The following POLR3E variants were observed in gnomAD, a reference collection of about 807,000 sequenced individuals.
POLR3E encodes DNA-directed RNA polymerase III subunit RPC5.
POLR3E carries 41 observed loss-of-function variants against 96.6 expected under a neutral mutation model. The observed-to-expected ratio is 0.42, with a 90% CI of 0.33 to 0.55. POLR3E has a LOEUF of 0.55. Ranked by LOEUF, POLR3E falls within the 20% of genes least tolerant of loss-of-function variation. The pLI, the probability that POLR3E is intolerant of heterozygous loss-of-function variation, is 0.06. For missense variants in POLR3E, 849 were observed against 952.1 expected (o/e 0.89, Z 1.43); for synonymous variants, 396 against 383.6 (o/e 1.03, Z -0.38).
In POLR3E at chr16:22,316,985, G is replaced by A. The variant is rs2048368902; in HGVS notation, c.729-10G>A. ...AGCCCTGAGCCTCTGCCCCTGCCAT[G>A]TCCCTGCAGTGAGTACCTGATGATG... is the stretch of plus-strand genomic sequence containing the variant. On this transcript the variant is annotated splice_polypyrimidine_tract_variant and intron_variant, in intron 10 of 20. Coordinates refer to ENST00000299853, the MANE Select transcript of POLR3E (RefSeq NM_018119.4). 1 of 1,614,020 alleles carries A rather than the reference G, an allele frequency of 6.2e-7. No individual in the cohort carries two copies. The highest frequency in any genetic ancestry group is 8.5e-7 in the Non-Finnish European group (1 of 1,179,860).
At chr16:22,309,890 C>T (rs2048210445) in intron 6 of POLR3E, 1 of 238,332 alleles carries the variant, frequency 4.2e-6, no homozygotes. Context: ...TGTGTCCACA[C>T]AAAACCATAC....
At chr16:22,330,883 A>C (rs910900094) in intron 19 of POLR3E, among the ~76,000 whole-genome samples, 1 of 151,824 alleles carries the variant, frequency 6.6e-6, no homozygotes, top group Admixed American at 6.6e-5. Context: ...AAACCAGCTA[A>C]GTATGGAACA....
chr16:22,298,612 C>T (rs1478687831), intron 1 of POLR3E, among the ~76,000 whole-genome samples: 1 of 152,140 alleles, frequency 6.6e-6, no homozygotes, highest in East Asian at 1.9e-4. Flanking sequence ...CCCACTTAAC[C>T]ATACTGCCGT....
rs765064412 is a variant in POLR3E at position 22,318,366 on chromosome 16, T to C, written c.866-460T>C. On this transcript the variant is annotated intron_variant, in intron 12 of 20. Transcript: ENST00000299853. The surrounding 1 kb of genome is among the most constrained non-coding windows in gnomAD (Gnocchi z 5.0). The stretch of plus-strand genomic sequence containing the variant: ...CCCTCGGCCTCCCAAAGTGCTGTGA[T>C]TACAGGTGTGAGCCAAAGCGCCCAG... Among the ~76,000 whole-genome samples, 5 of 152,196 alleles carry C rather than the reference T, an allele frequency of 3.3e-5. No individual in the cohort carries two copies. Among genetic ancestry groups the C allele is most frequent in the Non-Finnish European group, 7.3e-5 (5 of 68,032 alleles).
In POLR3E at chr16:22,328,478, G is replaced by A. The variant is rs747811138; in HGVS notation, c.1867-32G>A. The A allele has an allele frequency of 7.6e-6, 12 of 1,581,724 alleles. No individual in the cohort carries two copies. The Admixed American group carries it at 2.0e-4, about 26-fold the overall frequency. On this transcript the variant is annotated intron_variant, in intron 18 of 20. Coordinates refer to ENST00000299853, the MANE Select transcript of POLR3E (RefSeq NM_018119.4). ...GCAAATGGATCCATGGGGTAGAGAT[G>A]GACAAGCAACTCACCCCTGGGCCTT...
intron 6 of POLR3E, among the ~76,000 whole-genome samples, chr16:22,311,799 G>A (rs1020301811): frequency 2.6e-5 from 4 of 151,978 alleles, no homozygotes; most frequent in Non-Finnish European, 5.9e-5. Context: ...CCCAGCCTAG[G>A]TATATTTAGA....
intron 6 of POLR3E, among the ~76,000 whole-genome samples, chr16:22,311,224 C>T (rs1308905570): frequency 2.0e-5 from 3 of 150,546 alleles, no homozygotes; most frequent in East Asian, 2.0e-4. Flanking sequence ...CAGCCTTGGC[C>T]TCCCAGAGTG....
Position 22,318,711 on chromosome 16 carries a change from T to TA in POLR3E, c.866-114dup. ...TGGCTATGATGGGTGTCATTACTGTTAGTTATCACATTCTGGGGTTATTAC... is the reference window on the plus strand; with the variant it reads ...TGGCTATGATGGGTGTCATTACTGTTAAGTTATCACATTCTGGGGTTATTAC... On this transcript the variant is annotated intron_variant, in intron 12 of 20. Transcript: ENST00000299853. This position sits in a 1 kb window ranked among gnomAD's most constrained non-coding sequence, Gnocchi z 5.0. The TA allele has an allele frequency of 9.1e-7, 1 of 1,096,220 alleles. No individual in the cohort carries two copies. The highest frequency in any genetic ancestry group is 2.1e-5 in the Admixed American group (1 of 46,608). 67.9% of individuals were successfully genotyped at this position (1,096,220 alleles called of 1,614,324 possible). A position where few individuals can be genotyped will look rare whatever the true frequency, so the allele number is the denominator to read the frequency against.
intron 1 of POLR3E, among the ~76,000 whole-genome samples, chr16:22,298,736 C>G (rs1335860479): frequency 6.6e-6 from 1 of 152,158 alleles, no homozygotes; most frequent in Non-Finnish European, 1.5e-5. Flanking sequence ...ATATCTGAAC[C>G]TCAGTCTCGT....
Position 22,313,317 on chromosome 16 carries a change from A to G in POLR3E, c.365-303A>G, listed in dbSNP as rs1185206080. On this transcript the variant is annotated intron_variant, in intron 6 of 20. Coordinates refer to ENST00000299853, the MANE Select transcript of POLR3E (RefSeq NM_018119.4). This position sits in a 1 kb window ranked among gnomAD's most constrained non-coding sequence, Gnocchi z 4.1. ...GAGGATTAGCTGCCTAGTGTTGCAA[A>G]GCGAGCAGCTGGGGAGAGGGGCGTG... is the stretch of plus-strand genomic sequence containing the variant. 6.6e-6 allele frequency among the ~76,000 whole-genome samples: 1 copy of G among 152,174 alleles called. No homozygotes were observed. The highest frequency in any genetic ancestry group is 1.5e-5 in the Non-Finnish European group (1 of 68,020).
intron 2 of POLR3E, 129 bp from the exon 3 acceptor site, chr16:22,305,027 C>A: frequency 1.3e-6 from 1 of 765,002 alleles, no homozygotes; most frequent in Admixed American, 1.8e-5. Context: ...ATGAGCTGAG[C>A]TATTTCCTCC....
intron 1 of POLR3E, 33 bp from the exon 2 acceptor site, chr16:22,302,898 C>CTGA: frequency 7.0e-7 from 1 of 1,424,676 alleles, no homozygotes; most frequent in Middle Eastern, 1.8e-4. Flanking sequence ...GGTTGAACGA[C>CTGA]TGATGGTCCC....
intron 15 of POLR3E, 34 bp from the exon 16 acceptor site, chr16:22,324,469 G>A: frequency 1.2e-6 from 2 of 1,610,354 alleles, no homozygotes; most frequent in Non-Finnish European, 1.7e-6. Context: ...GGAGGGGGCT[G>A]GCTGTGCCTC....
At chr16:22,309,554 G>C (rs780176503) in intron 6 of POLR3E, 44 bp downstream of exon 6, 2 of 1,381,050 alleles carry the variant, frequency 1.4e-6, no homozygotes, top group Non-Finnish European at 2.1e-6. Context: ...TGGCATTGGG[G>C]GGGGCTGGGC....
chr16:22,318,634 A>G lies in POLR3E; in HGVS notation c.866-192A>G, dbSNP rs2048407345. 6.6e-6 allele frequency among the ~76,000 whole-genome samples: 1 copy of G among 152,160 alleles called. No individual in the cohort carries two copies. Among genetic ancestry groups the G allele is most frequent in the African/African-American group, 2.4e-5 (1 of 41,434 alleles). ...GCACTTCATATAATCCTCAGATTTC[A>G]TGAGGTGCCCAGTGCCTGGCATGTA... is the stretch of plus-strand genomic sequence containing the variant. On this transcript the variant is annotated intron_variant, in intron 12 of 20. Coordinates refer to ENST00000299853, the MANE Select transcript of POLR3E (RefSeq NM_018119.4). This position sits in a 1 kb window ranked among gnomAD's most constrained non-coding sequence, Gnocchi z 5.0.
intron 6 of POLR3E, among the ~76,000 whole-genome samples, chr16:22,312,341 G>T (rs2048263618): frequency 6.6e-6 from 1 of 151,780 alleles, no homozygotes; most frequent in East Asian, 1.9e-4. Context: ...CCAAAAAGTA[G>T]AAAAAATTAG....
chr16:22,315,194 T>C lies in POLR3E; in HGVS notation c.628T>C (p.Tyr210His). 5 of 1,595,090 alleles carry C rather than the reference T, an allele frequency of 3.1e-6. No homozygotes were observed. The highest frequency in any genetic ancestry group is 1.7e-4 in the Middle Eastern group (1 of 6,032). The part of the protein sequence containing the change: ...HAEEPWVHLH[Y>H]YGLRDSRSEH... ...AGAGGAGCCCTGGGTCCACCTGCAT[T>C]ACTATGGCCTGAGGGTGAGCGGGGC... Residue 210 changes from tyrosine to histidine, a missense_variant, in exon 9 of 21, where the codon TAC becomes CAC. By Grantham distance (83) the Tyr-to-His change is moderately conservative. Transcript: ENST00000299853.
At position 22,313,005 on chromosome 16, in the gene POLR3E, G is replaced by A. The variant is rs936535984; in HGVS notation, c.365-615G>A. ...AAAAGTAGTGTCATATAACTCGCGC[G>A]TTCTGTTTAGAACCCATGTCTCAAG... On this transcript the variant is annotated intron_variant, in intron 6 of 20. Transcript: ENST00000299853. The surrounding 1 kb of genome is among the most constrained non-coding windows in gnomAD (Gnocchi z 4.1). 2.0e-5 allele frequency among the ~76,000 whole-genome samples: 3 copies of A among 151,944 alleles called. No individual in the cohort carries two copies. The highest frequency in any genetic ancestry group is 1.9e-4 in the East Asian group (1 of 5,190).
At position 22,325,977 on chromosome 16, in the gene POLR3E, C is replaced by T; in HGVS notation, c.1565C>T (p.Ser522Phe). The T allele has an allele frequency of 1.9e-6, 3 of 1,590,508 alleles. No homozygotes were observed. Among genetic ancestry groups the T allele is most frequent in the South Asian group, 1.1e-5 (1 of 88,534 alleles). Residue 522 changes from serine to phenylalanine, a missense_variant, in exon 18 of 21, where the codon TCC (serine) becomes TTC (phenylalanine). Transcript: ENST00000299853. ...QEAEEEPMDT[S>F]PSGLHSKLAN... ...GCGGAGGAGGAGCCCATGGACACTTCCCCCAGCGGCCTCCACAGCAAGCTG... is the reference window on the plus strand; with the variant it reads ...GCGGAGGAGGAGCCCATGGACACTTTCCCCAGCGGCCTCCACAGCAAGCTG...
Sources: allele counts gnomAD v4.1 joint callset (sites outside exome capture counted in the v4.1 genomes callset), GRCh38; gene constraint gnomAD v4.1.1; non-coding constraint Gnocchi (gnomAD v3.1); transcripts MANE v1.5; gene names NCBI Gene and HGNC (gene_info 2026-07-23, HGNC 2026-07-21).